ITIH3: variants seen among roughly 807,000 people sequenced by gnomAD.
ITIH3 encodes the protein inter-alpha-trypsin inhibitor heavy chain H3.
A neutral mutation model predicts 96.5 loss-of-function variants in ITIH3; 81 were observed. That is an observed-to-expected ratio of 0.84 (90% CI 0.70 to 1.01). The LOEUF is 1.01. Ranked by LOEUF, ITIH3 falls within the 50% of genes least tolerant of loss-of-function variation. The pLI is 0.00. For missense variants in ITIH3, 1,057 were observed against 1,139.3 expected, an observed-to-expected ratio of 0.93 and a Z score of 1.04; for synonymous variants, 422 against 445.2, an observed-to-expected ratio of 0.95 and a Z score of 0.66.
chr3:52,805,932 C>T (rs1346650408), intron 16 of ITIH3, 92 bp downstream of exon 16: 12 of 1,558,304 alleles, frequency 7.7e-6, no homozygotes, highest in Admixed American at 3.4e-5. Context: ...CTCAGCTCTC[C>T]GGGATGGGCA....
intron 7 of ITIH3, 77 bp from the exon 8 acceptor site, chr3:52,799,280 GGGCTGGTAAATGTCT>G (rs1699716785): frequency 8.3e-7 from 1 of 1,201,370 alleles, no homozygotes; most frequent in African/African-American, 1.5e-5. Flanking sequence ...TCTTTTTCTT[GGGCTGGTAAATGTCT>G]GGCTTCTACC....
chr3:52,801,168 T>G lies in ITIH3; in HGVS notation c.1383+22T>G, dbSNP rs772505722. On this transcript the variant is annotated intron_variant, in intron 11 of 21. Coordinates refer to ENST00000449956, the MANE Select transcript of ITIH3 (RefSeq NM_002217.4). ...GCAGGTATGCCTTGTCTTGCACACT[T>G]CCGGGCATAAGGAGCTCACTACTTC... 13 of 1,532,634 alleles carry G rather than the reference T, an allele frequency of 8.5e-6. 1 individual carries two copies. Among genetic ancestry groups the G allele is most frequent in the Non-Finnish European group, 1.1e-5 (13 of 1,141,112 alleles). The allele number at this position is 1,532,634 out of a possible 1,614,324, so 94.9% of individuals were successfully genotyped here.
intron 1 of ITIH3, among the ~76,000 whole-genome samples, chr3:52,795,146 G>A (rs992842520): frequency 6.6e-6 from 1 of 152,186 alleles, no homozygotes; most frequent in African/African-American, 2.4e-5. Flanking sequence ...AATGCACCAG[G>A]AACTGCTCAC....
chr3:52,798,846 T>C, intron 6 of ITIH3, 120 bp from the exon 7 acceptor site: 2 of 1,268,794 alleles, frequency 1.6e-6, no homozygotes, highest in South Asian at 1.4e-5. Context: ...TGCTAGCCTC[T>C]GCCCTGCCAA....
Position 52,807,224 on chromosome 3 carries a change from G to T in ITIH3, c.2261+119G>T. On this transcript the variant is annotated intron_variant, in intron 19 of 21. Transcript: ENST00000449956. The stretch of plus-strand genomic sequence containing the variant: ...CATGGGGGTCACAGGAAAGATCAGA[G>T]ACCCCAGAATCCAGTCTCCTGTCAC... 3.3e-6 allele frequency: 3 copies of T among 906,340 alleles called. No individual in the cohort carries two copies. The East Asian group carries it at 7.9e-5, about 24-fold the overall frequency. 56.1% of individuals were successfully genotyped at this position (906,340 alleles called of 1,614,324 possible). A position where few individuals can be genotyped will look rare whatever the true frequency, so the allele number is the denominator to read the frequency against.
rs779310857 is a variant in ITIH3 at position 52,807,101 on chromosome 3, G to A, written c.2257G>A (p.Asp753Asn). 8 of 1,587,724 alleles carry A rather than the reference G, an allele frequency of 5.0e-6. No homozygotes were observed. In the African/African-American group the frequency reaches 8.1e-5, roughly 16 times the overall value. Residue 753 changes from aspartate to asparagine, a missense_variant, in exon 19 of 22, where the codon GAT becomes AAT. Transcript: ENST00000449956. ...GCTGGACACAGTCACAGTCACGCAGGATGGGTAAGCTCCCCTACAAGGTCT... is the reference window on the plus strand; with the variant it reads ...GCTGGACACAGTCACAGTCACGCAGAATGGGTAAGCTCCCCTACAAGGTCT... ...SWLDTVTVTQ[D>N]GLSMMINRKN...
At position 52,796,830 on chromosome 3, in the gene ITIH3, G is replaced by A. The variant is rs779431612; in HGVS notation, c.373G>A (p.Ala125Thr). Residue 125 changes from alanine (A) to threonine (T), a missense_variant, in exon 4 of 22, where the codon GCC (alanine) becomes ACC (threonine). Ala to Thr is a moderately conservative substitution (Grantham distance 58, BLOSUM62 0). Coordinates refer to ENST00000449956, the MANE Select transcript of ITIH3 (RefSeq NM_002217.4). ...AAAGGCTGTGTCCCAGGGCAAGACG[G>A]CCGGCTTGGTCAAGTAAGTATGGAC... ...YEKAVSQGKT[A>T]GLVKASGRKL... 1.2e-6 allele frequency: 2 copies of A among 1,607,228 alleles called. No homozygotes were observed. The highest frequency in any genetic ancestry group is 1.7e-6 in the Non-Finnish European group (2 of 1,177,062).
In ITIH3 at chr3:52,799,866, G is replaced by A. The variant is rs753066152; in HGVS notation, c.1020G>A (p.Thr340=). The A allele has an allele frequency of 1.4e-5, 22 of 1,613,768 alleles. No homozygotes were observed. The East Asian group carries it at 2.5e-4, about 18-fold the overall frequency. The change falls in exon 9 of 22, where the codon ACG becomes ACA. Residue 340 remains threonine (T), a synonymous_variant. Coordinates refer to ENST00000449956, the MANE Select transcript of ITIH3 (RefSeq NM_002217.4). ...GGAAAGAGCACTTAGTCCAGGCCAC[G>A]CCCGAGAACCTCCAGGAGGCCAGGA... ...STWKEHLVQA[T]PENLQEARTF... is the part of the protein sequence containing the mutation.
rs1435900784 is a variant in ITIH3, at chr3:52,802,664, T to TA, written c.1570-2dup. ...CCCTTGCCTCCTTCTACCCCCACCCTAGGCCACCAACGACCTGACCTTCAC... is the reference window on the plus strand; with the variant it reads ...CCCTTGCCTCCTTCTACCCCCACCCTAAGGCCACCAACGACCTGACCTTCAC... On this transcript the variant is annotated splice_region_variant and splice_polypyrimidine_tract_variant and intron_variant, in intron 12 of 21. Transcript: ENST00000449956. The TA allele has an allele frequency of 1.2e-6, 2 of 1,613,762 alleles. No individual in the cohort carries two copies. Among genetic ancestry groups the TA allele is most frequent in the East Asian group, 4.5e-5 (2 of 44,852 alleles).
At chr3:52,799,348 T>A in intron 7 of ITIH3, 24 bp from the exon 8 acceptor site, 2 of 1,536,714 alleles carry the variant, frequency 1.3e-6, no homozygotes, top group Non-Finnish European at 1.8e-6. Context: ...GACACCGGCC[T>A]CCGTCCCTCT....
intron 14 of ITIH3, 75 bp from the exon 15 acceptor site, chr3:52,804,651 A>G (rs944596072): frequency 2.0e-6 from 3 of 1,530,534 alleles, no homozygotes; most frequent in Non-Finnish European, 2.7e-6. Flanking sequence ...CCAAGCAGCC[A>G]GCTCTGGTCC....
intron 9 of ITIH3, chr3:52,800,304 A>G (rs2154109689): frequency 3.4e-6 from 2 of 580,756 alleles, no homozygotes; most frequent in South Asian, 2.0e-5. Flanking sequence ...CACAATCACC[A>G]TGTGCTTTTC....
chr3:52,805,905 T>C (rs1290560619), intron 16 of ITIH3, 65 bp downstream of exon 16: 9 of 1,588,500 alleles, frequency 5.7e-6, no homozygotes, highest in Non-Finnish European at 7.8e-6. Flanking sequence ...CACATGTCCC[T>C]CCACCGTGGC....
chr3:52,803,382 G>C (rs1230363410), intron 13 of ITIH3, among the ~76,000 whole-genome samples: 1 of 149,716 alleles, frequency 6.7e-6, no homozygotes. Context: ...GCAGTGGCGG[G>C]ATCTCGGCTC....
chr3:52,804,366 G>T, intron 14 of ITIH3: 1 of 435,426 alleles, frequency 2.3e-6, no homozygotes. Flanking sequence ...TCAGGCACCT[G>T]GAGATTGTTA....
chr3:52,797,089 C>T lies in ITIH3; in HGVS notation c.387-16C>T. The T allele has an allele frequency of 4.4e-6, 7 of 1,604,686 alleles. No individual in the cohort carries two copies. Among genetic ancestry groups the T allele is most frequent in the Non-Finnish European group, 5.9e-6 (7 of 1,176,480 alleles). On this transcript the variant is annotated splice_polypyrimidine_tract_variant and intron_variant, in intron 4 of 21. Transcript: ENST00000449956. ...CTGCAGTCTTTGAGGGAGTCACCAT[C>T]TCGCACCCTGGTCAGGGCCTCTGGG...
intron 2 of ITIH3, 82 bp from the exon 3 acceptor site, chr3:52,796,399 G>C (rs971913071): frequency 2.8e-5 from 36 of 1,292,320 alleles, no homozygotes; most frequent in Non-Finnish European, 3.6e-5. Context: ...AGCCTCCAAG[G>C]GTTTGCAAGG....
At chr3:52,805,968 T>C (rs1012524450) in intron 16 of ITIH3, 128 bp downstream of exon 16, 2 of 1,505,522 alleles carry the variant, frequency 1.3e-6, no homozygotes, top group Non-Finnish European at 1.8e-6. Context: ...CTGAGGAGAT[T>C]GCGGGGTGGG....
chr3:52,800,371 T>G (rs753317089), intron 9 of ITIH3, 167 bp from the exon 10 acceptor site: 1 of 700,950 alleles, frequency 1.4e-6, no homozygotes, highest in Non-Finnish European at 2.3e-6. Flanking sequence ...TGTTTGTTTG[T>G]TCATGTGGTG....
Sources: gnomAD v4.1 joint callset for allele counts (sites outside exome capture counted in the v4.1 genomes callset) on GRCh38, gnomAD v4.1.1 for gene constraint, MANE v1.5 for transcripts, NCBI Gene and HGNC (gene_info 2026-07-23, HGNC 2026-07-21) for gene names.